SPECC1: variants seen among roughly 807,000 people sequenced by gnomAD.
The protein encoded by SPECC1 is sperm antigen with calponin homology and coiled-coil domains 1, also known as cytospin-B.
A neutral mutation model predicts 104.1 loss-of-function variants in SPECC1; 62 were observed. That is an observed-to-expected ratio of 0.60 (90% CI 0.49 to 0.74). The LOEUF (loss-of-function observed/expected upper bound fraction) is 0.74. Among genes scored for constraint, SPECC1 ranks in the 30% least tolerant of loss-of-function variants. The probability of loss-of-function intolerance (pLI) is 0.00; values close to 1 mark genes in which losing one functional copy is unlikely to be tolerated. For synonymous variants in SPECC1, 513 were observed against 501.6 expected, an observed-to-expected ratio of 1.02 and a Z score of -0.30; for missense variants, 1,306 against 1,310.5, an observed-to-expected ratio of 1.00 and a Z score of 0.05.
At chr17:20,018,495 G>A (rs931966596) in intron 1 of SPECC1, among the ~76,000 whole-genome samples, 1 of 152,164 alleles carries the variant, frequency 6.6e-6, no homozygotes, top group Non-Finnish European at 1.5e-5. Context: ...GGCTTAACTG[G>A]TCCTCCTGCC....
At chr17:20,199,454 A>G (rs11204423) in intron 3 of SPECC1, among the ~76,000 whole-genome samples, 60,204 of 140,506 alleles carry the variant, frequency 0.43, 13,227 homozygotes, top group East Asian at 0.81. Flanking sequence ...AGGCTGGAGT[A>G]CAGTGGTGTA....
intron 1 of SPECC1, among the ~76,000 whole-genome samples, chr17:20,053,579 A>C (rs2045854210): frequency 6.6e-6 from 1 of 152,174 alleles, no homozygotes; most frequent in Non-Finnish European, 1.5e-5. Context: ...TCTCTCTCAG[A>C]TCACTCATGC....
intron 7 of SPECC1, among the ~76,000 whole-genome samples, chr17:20,243,704 C>T (rs1598072734): frequency 6.6e-6 from 1 of 152,218 alleles, no homozygotes; most frequent in East Asian, 1.9e-4. Flanking sequence ...CTTTGGATAC[C>T]TGAAGCCTGA....
At chr17:20,103,761 C>T (rs2048053748) in intron 2 of SPECC1, among the ~76,000 whole-genome samples, 1 of 152,198 alleles carries the variant, frequency 6.6e-6, no homozygotes, top group Non-Finnish European at 1.5e-5. Flanking sequence ...CCGTCCACTT[C>T]CTCCTGGCAC....
At chr17:20,110,917 T>C (rs946152653) in intron 3 of SPECC1, among the ~76,000 whole-genome samples, 1 of 152,082 alleles carries the variant, frequency 6.6e-6, no homozygotes, top group Non-Finnish European at 1.5e-5. Context: ...TGAACCCTGT[T>C]GATCCCTTGC....
chr17:20,139,292 T>G (rs2030445721), intron 3 of SPECC1, among the ~76,000 whole-genome samples: 1 of 152,232 alleles, frequency 6.6e-6, no homozygotes, highest in South Asian at 2.1e-4. Context: ...TTGCCCGTTG[T>G]ACTCCAGAAA....
chr17:20,286,925 C>G (rs2040968054), intron 12 of SPECC1, among the ~76,000 whole-genome samples: 1 of 152,220 alleles, frequency 6.6e-6, no homozygotes, highest in South Asian at 2.1e-4. Context: ...CCCCAGGGCC[C>G]AGGCTGCAGG....
intron 3 of SPECC1, among the ~76,000 whole-genome samples, chr17:20,130,265 A>T (rs1004522968): frequency 9.9e-5 from 15 of 152,004 alleles, no homozygotes; most frequent in African/African-American, 3.6e-4. Flanking sequence ...CTTTTGTGAA[A>T]ATCAGTTGGG....
At chr17:20,012,183 A>G (rs1046902765) in intron 1 of SPECC1, among the ~76,000 whole-genome samples, 4 of 152,316 alleles carry the variant, frequency 2.6e-5, no homozygotes, top group African/African-American at 9.6e-5. Context: ...GATTAAGAAC[A>G]GATTAATTTG....
chr17:20,206,504 A>AG (rs1229980509), intron 4 of SPECC1, among the ~76,000 whole-genome samples: 1 of 152,192 alleles, frequency 6.6e-6, no homozygotes, highest in African/African-American at 2.4e-5. Flanking sequence ...GACATTTTAG[A>AG]AATATTAAAA....
intron 13 of SPECC1, among the ~76,000 whole-genome samples, chr17:20,304,758 A>G (rs1431325689): frequency 6.6e-6 from 1 of 152,030 alleles, no homozygotes; most frequent in Non-Finnish European, 1.5e-5. Flanking sequence ...GAATGATGAG[A>G]TGATTAAGAG....
intron 3 of SPECC1, among the ~76,000 whole-genome samples, chr17:20,203,716 T>G (rs2036581701): frequency 6.6e-6 from 1 of 152,218 alleles, no homozygotes; most frequent in African/African-American, 2.4e-5. Context: ...TTGTATTTTG[T>G]CAAAAGGCCA....
intron 4 of SPECC1, among the ~76,000 whole-genome samples, chr17:20,212,380 C>T (rs1425308339): frequency 6.6e-6 from 1 of 152,038 alleles, no homozygotes; most frequent in Non-Finnish European, 1.5e-5. Context: ...ATACCTGAGA[C>T]TGGAAAGAAA....
chr17:20,148,292 T>A (rs1264032008), intron 3 of SPECC1, among the ~76,000 whole-genome samples: 3 of 152,030 alleles, frequency 2.0e-5, no homozygotes. Flanking sequence ...CAGGCTGGAG[T>A]GCAGTAGTGC....
rs192243538 is a variant in SPECC1, at chr17:20,065,726, T to A, written c.-21-30905T>A. On this transcript the variant is annotated intron_variant, in intron 1 of 14. Transcript: ENST00000395527. Reference sequence around the variant, plus strand: ...AGCATGCCTGTCTCTTCAAGACTTTTCTTGGTCTCTCTGTGTAACATTCCT... The same window carrying A: ...AGCATGCCTGTCTCTTCAAGACTTTACTTGGTCTCTCTGTGTAACATTCCT... Among the ~76,000 whole-genome samples the A allele has an allele frequency of 2.0e-5, 3 of 152,346 alleles. No homozygotes were observed. In the East Asian group the frequency reaches 5.8e-4, roughly 29 times the overall value.
chr17:20,232,369 G>A lies in SPECC1; in HGVS notation c.2315G>A (p.Gly772Asp). 2.5e-6 allele frequency: 4 copies of A among 1,613,364 alleles called. No individual in the cohort carries two copies. The highest frequency in any genetic ancestry group is 2.7e-5 in the African/African-American group (2 of 75,018). Residue 772 changes from glycine to aspartate, a missense_variant, in exon 7 of 15, where the codon GGC (glycine) becomes GAC (aspartate). Around this residue, in one of 2 missense-constraint regions of SPECC1, gnomAD observed 1,177 missense variants for 1,139.9 expected, o/e 1.03. Coordinates refer to ENST00000395527, the MANE Select transcript of SPECC1 (RefSeq NM_001243439.2). ...RLQKELGDVQGHGRVVTSRAA... is the reference protein window; with the variant it reads ...RLQKELGDVQDHGRVVTSRAA... ...CAGAAGGAGCTGGGGGATGTGCAGG[G>A]CCACGGCAGGGTGGTCACCAGCAGA...
Position 20,318,232 on chromosome 17 carries a change from G to T in SPECC1, c.*4167G>T, listed in dbSNP as rs2042064398. The T allele has an allele frequency of 4.3e-6, 1 of 232,346 alleles. No homozygotes were observed. Among genetic ancestry groups the T allele is most frequent in the African/African-American group, 2.2e-5 (1 of 45,328 alleles). 14.4% of individuals were successfully genotyped at this position (232,346 alleles called of 1,614,324 possible). A position where few individuals can be genotyped will look rare whatever the true frequency, so the allele number is the denominator to read the frequency against. On this transcript the variant is annotated 3_prime_UTR_variant, in exon 15 of 15. Coordinates refer to ENST00000395527, the MANE Select transcript of SPECC1 (RefSeq NM_001243439.2). ...GTTGGAGAGTTTTTCAAGGTGAGAA[G>T]TCGCTGTTCTCTGCATTGAACATGG...
chr17:20,199,654 C>A (rs2036283336), intron 3 of SPECC1, among the ~76,000 whole-genome samples: 1 of 151,860 alleles, frequency 6.6e-6, no homozygotes. Flanking sequence ...ATCCTACTGC[C>A]TTGGCCTTAT....
Position 20,167,652 on chromosome 17 carries a change from TG to T in SPECC1, c.284-36678del, listed in dbSNP as rs1482333027. 1.1e-4 allele frequency among the ~76,000 whole-genome samples: 16 copies of T among 152,326 alleles called. No individual in the cohort carries two copies. The East Asian group carries it at 2.9e-3, about 28-fold the overall frequency. On this transcript the variant is annotated intron_variant, in intron 3 of 14. Transcript: ENST00000395527. ...GAGATTGTGCCATTGCACTCCAGCC[TG>T]GGCAACTTGAGTGAAACTACGTCTC...
Sources: gnomAD v4.1 joint callset for allele counts (sites outside exome capture counted in the v4.1 genomes callset) on GRCh38, gnomAD v4.1.1 for gene constraint, gnomAD v4.1.1 regional missense constraint, MANE v1.5 for transcripts, NCBI Gene and HGNC (gene_info 2026-07-23, HGNC 2026-07-21) for gene names.